The following LTBP4 variants were observed in gnomAD, a reference collection of about 807,000 sequenced individuals.
LTBP4 encodes the protein latent transforming growth factor beta binding protein 4.
In LTBP4, 93 loss-of-function variants were observed where a neutral mutation model predicts 180.2. That is an observed-to-expected ratio of 0.52 (90% CI 0.44 to 0.61). The LOEUF is 0.61. Ranked by LOEUF, LTBP4 falls within the 20% of genes least tolerant of loss-of-function variation. The pLI is 0.00. For synonymous variants in LTBP4, 947 were observed against 934.5 expected, an observed-to-expected ratio of 1.01 and a Z score of -0.24; for missense variants, 2,116 against 2,256.5, an observed-to-expected ratio of 0.94 and a Z score of 1.26.
chr19:40,609,989 C>T lies in LTBP4; in HGVS notation c.1684+118C>T. ...TCTCGGGTCCCGCCCCAGGACTGCT[C>T]TGCCCTGGCCCTTGGCCCTGCCCTT... On this transcript the variant is annotated intron_variant, in intron 11 of 29. Transcript: ENST00000396819. This position sits in a 1 kb window ranked among gnomAD's most constrained non-coding sequence, Gnocchi z 4.9. 7.3e-7 allele frequency: 1 copy of T among 1,361,430 alleles called. No individual in the cohort carries two copies. The highest frequency in any genetic ancestry group is 1.5e-5 in the African/African-American group (1 of 68,270). The allele number at this position is 1,361,430 out of a possible 1,614,324, so 84.3% of individuals were successfully genotyped here.
At position 40,623,674 on chromosome 19, in the gene LTBP4, C is replaced by T; in HGVS notation, c.3627C>T (p.Gly1209=). The T allele has an allele frequency of 3.7e-6, 6 of 1,613,904 alleles. No individual in the cohort carries two copies. Among genetic ancestry groups the T allele is most frequent in the Non-Finnish European group, 5.1e-6 (6 of 1,179,886 alleles). Residue 1209 remains glycine (G), a synonymous_variant, in exon 25 of 30, where the codon GGC becomes GGT. Transcript: ENST00000396819. ...KSGVCVNTAP[G]YSCYCSNGYY... ...GCGTGTGTGTGAACACGGCCCCGGGCTACTCATGCTATTGCAGCAACGGCT... is the reference window on the plus strand; with the variant it reads ...GCGTGTGTGTGAACACGGCCCCGGGTTACTCATGCTATTGCAGCAACGGCT...
At chr19:40,595,616 G>A (rs1170807624) in intron 1 of LTBP4, among the ~76,000 whole-genome samples, 2 of 152,186 alleles carry the variant, frequency 1.3e-5, no homozygotes, top group Non-Finnish European at 2.9e-5. Context: ...CTTGAAGCCT[G>A]GAACCCCGGT....
At chr19:40,623,543 A>C in intron 24 of LTBP4, 61 bp from the exon 25 acceptor site, 5 of 1,561,514 alleles carry the variant, frequency 3.2e-6, no homozygotes, top group Non-Finnish European at 4.3e-6. Flanking sequence ...TTCCCACGTC[A>C]TGCCCTCACA....
intron 4 of LTBP4, 75 bp from the exon 5 acceptor site, chr19:40,606,158 C>G (rs2081459739): frequency 7.6e-7 from 1 of 1,323,662 alleles, no homozygotes; most frequent in African/African-American, 1.5e-5. Flanking sequence ...TCCCTCCCAC[C>G]CCGTCTTCGT....
rs1482361983 is a variant in LTBP4 at position 40,613,201 on chromosome 19, G to A, written c.2431+5G>A. The A allele has an allele frequency of 6.4e-7, 1 of 1,563,034 alleles. No individual in the cohort carries two copies. Among genetic ancestry groups the A allele is most frequent in the Admixed American group, 1.9e-5 (1 of 52,360 alleles). On this transcript the variant is annotated splice_donor_5th_base_variant and intron_variant, in intron 16 of 29. Transcript: ENST00000396819. This position sits in a 1 kb window ranked among gnomAD's most constrained non-coding sequence, Gnocchi z 5.0. ...GTCGGCCCGGGCCCTGCGCAGGTGAGCAGCATAGGGACCCGCCAGAGAGTC... is the reference window on the plus strand; with the variant it reads ...GTCGGCCCGGGCCCTGCGCAGGTGAACAGCATAGGGACCCGCCAGAGAGTC...
chr19:40,605,870 G>C lies in LTBP4; in HGVS notation c.793+39G>C. 6.6e-7 allele frequency: 1 copy of C among 1,526,592 alleles called. No homozygotes were observed. Among genetic ancestry groups the C allele is most frequent in the South Asian group, 1.2e-5 (1 of 83,630 alleles). 94.6% of individuals were successfully genotyped at this position (1,526,592 alleles called of 1,614,324 possible). On this transcript the variant is annotated intron_variant, in intron 4 of 29. Coordinates refer to ENST00000396819, the MANE Select transcript of LTBP4 (RefSeq NM_001042545.2). The surrounding 1 kb of genome is among the most constrained non-coding windows in gnomAD (Gnocchi z 5.5). ...CGTCCCCGAAGTGCTCGGAGCTGGG[G>C]AGTGGTGACAACCTCACCGTTCCTC...
chr19:40,627,684 G>A (rs762516459), intron 28 of LTBP4, 21 bp from the exon 29 acceptor site: 122 of 1,572,824 alleles, frequency 7.8e-5, no homozygotes, highest in Non-Finnish European at 9.7e-5. Flanking sequence ...TCAAGTCATA[G>A]GGTCCCCGCA....
intron 18 of LTBP4, 23 bp from the exon 19 acceptor site, chr19:40,614,292 G>C (rs756385656): frequency 2.5e-5 from 39 of 1,587,730 alleles, no homozygotes; most frequent in Non-Finnish European, 3.2e-5. Flanking sequence ...TCCCACATCC[G>C]ACCACCCGAC....
intron 26 of LTBP4, among the ~76,000 whole-genome samples, chr19:40,625,299 TA>T (rs1568414555): frequency 0.017 from 375 of 22,378 alleles, 81 homozygotes; most frequent in Non-Finnish European, 0.023. Context: ...TATATATATA[TA>T]TATATATATA....
rs951801560 is a variant in LTBP4 at position 40,613,714 on chromosome 19, G to A, written c.2557+185G>A. On this transcript the variant is annotated intron_variant, in intron 17 of 29. Transcript: ENST00000396819. The surrounding 1 kb of genome is among the most constrained non-coding windows in gnomAD (Gnocchi z 5.0). The stretch of plus-strand genomic sequence containing the variant: ...GGCGGGGCGTGGAGATGAAAGGGCC[G>A]AGTCTGGGTATTTGGACCGTGATTG... 1.6e-6 allele frequency: 2 copies of A among 1,217,486 alleles called. No homozygotes were observed. Among genetic ancestry groups the A allele is most frequent in the Admixed American group, 2.0e-5 (1 of 49,898 alleles). 75.4% of individuals were successfully genotyped at this position (1,217,486 alleles called of 1,614,324 possible).
chr19:40,609,447 G>C lies in LTBP4; in HGVS notation c.1427-83G>C. 1 of 1,547,284 alleles carries C rather than the reference G, an allele frequency of 6.5e-7. No individual in the cohort carries two copies. Among genetic ancestry groups the C allele is most frequent in the South Asian group, 1.2e-5 (1 of 86,698 alleles). On this transcript the variant is annotated intron_variant, in intron 9 of 29. Transcript: ENST00000396819. This position sits in a 1 kb window ranked among gnomAD's most constrained non-coding sequence, Gnocchi z 4.9. ...ACATCCATGAAGGTGTTTTATGGAT[G>C]TCTCCGGGGGTGGGGGTTTTACTGG... is the stretch of plus-strand genomic sequence containing the variant.
chr19:40,615,593 ACT>A (rs1487470589), intron 19 of LTBP4, among the ~76,000 whole-genome samples: 1 of 152,236 alleles, frequency 6.6e-6, no homozygotes, highest in Non-Finnish European at 1.5e-5. Flanking sequence ...CCCCGTCTCT[ACT>A]AAAAATACAA....
chr19:40,617,845 A>G lies in LTBP4; in HGVS notation c.3070+620A>G, dbSNP rs191748129. On this transcript the variant is annotated intron_variant, in intron 21 of 29. Coordinates refer to ENST00000396819, the MANE Select transcript of LTBP4 (RefSeq NM_001042545.2). ...AAATTTCTAAACACAAAGCAAATTG[A>G]GAGAATCATAGAATGAACACCTACC... is the stretch of plus-strand genomic sequence containing the variant. Among the ~76,000 whole-genome samples, 3 of 152,308 alleles carry G rather than the reference A, an allele frequency of 2.0e-5. No homozygotes were observed. In the East Asian group the frequency reaches 5.8e-4, roughly 29 times the overall value.
rs775722142 is a variant in LTBP4, at chr19:40,607,549, C to G, written c.1156+20C>G. ...GCTCAGGTGAGCCCCTGCGGCAGTGCCTAGCCCTACGCGCAACACATGTGG... is the reference window on the plus strand; with the variant it reads ...GCTCAGGTGAGCCCCTGCGGCAGTGGCTAGCCCTACGCGCAACACATGTGG... On this transcript the variant is annotated intron_variant, in intron 7 of 29. Coordinates refer to ENST00000396819, the MANE Select transcript of LTBP4 (RefSeq NM_001042545.2). The G allele has an allele frequency of 6.3e-7, 1 of 1,592,204 alleles. No homozygotes were observed. The highest frequency in any genetic ancestry group is 1.7e-5 in the Admixed American group (1 of 57,788).
chr19:40,623,586 T>C lies in LTBP4; in HGVS notation c.3557-18T>C. The C allele has an allele frequency of 6.2e-7, 1 of 1,608,720 alleles. No homozygotes were observed. The highest frequency in any genetic ancestry group is 1.7e-5 in the Admixed American group (1 of 59,734). On this transcript the variant is annotated intron_variant, in intron 24 of 29. Transcript: ENST00000396819. ...CCCATCCAGCCCGCCCCCATCTCTC[T>C]CTCTGCTTTTCGCACAGACGTGGAC...
rs772581409 is a variant in LTBP4, at chr19:40,623,749, C to T, written c.3685+17C>T. On this transcript the variant is annotated intron_variant, in intron 25 of 29. Transcript: ENST00000396819. The stretch of plus-strand genomic sequence containing the variant: ...AGTGCATCGGTACAAGCCCCACCTC[C>T]CCCAACCCCCGGCAACTCTCTCCAA... 2.6e-5 allele frequency: 42 copies of T among 1,613,372 alleles called. No homozygotes were observed. Among genetic ancestry groups the T allele is most frequent in the Non-Finnish European group, 3.6e-5 (42 of 1,179,492 alleles).
chr19:40,607,544 C>A lies in LTBP4; in HGVS notation c.1156+15C>A. ...CTTCGGCTCAGGTGAGCCCCTGCGG[C>A]AGTGCCTAGCCCTACGCGCAACACA... On this transcript the variant is annotated intron_variant, in intron 7 of 29. Transcript: ENST00000396819. 1 of 1,599,846 alleles carries A rather than the reference C, an allele frequency of 6.3e-7. No individual in the cohort carries two copies. The highest frequency in any genetic ancestry group is 8.5e-7 in the Non-Finnish European group (1 of 1,173,800).
intron 24 of LTBP4, 65 bp from the exon 25 acceptor site, chr19:40,623,539 C>A: frequency 6.4e-7 from 1 of 1,551,450 alleles, no homozygotes; most frequent in African/African-American, 1.4e-5. Context: ...TGTCTTCCCA[C>A]GTCATGCCCT....
At chr19:40,620,165 C>T (rs1294493157) in intron 22 of LTBP4, among the ~76,000 whole-genome samples, 6 of 151,100 alleles carry the variant, frequency 4.0e-5, no homozygotes, top group Admixed American at 3.3e-4. Flanking sequence ...GGTGCCCGAT[C>T]ACACTGACTT....
Sources: allele counts gnomAD v4.1 joint callset (sites outside exome capture counted in the v4.1 genomes callset), GRCh38; gene constraint gnomAD v4.1.1; non-coding constraint Gnocchi (gnomAD v3.1); transcripts MANE v1.5; gene names NCBI Gene and HGNC (gene_info 2026-07-23, HGNC 2026-07-21).